BBX: variants seen among roughly 807,000 people sequenced by gnomAD.
BBX encodes BBX high mobility group box domain containing, also known as HMG box transcription factor BBX.
Under a neutral mutation model 100.2 loss-of-function variants are expected in BBX, and 30 were observed. That is an observed-to-expected ratio of 0.30 (90% CI 0.22 to 0.41). BBX has a LOEUF of 0.41. Ranked by LOEUF, BBX falls within the 10% of genes least tolerant of loss-of-function variation. The pLI is 1.00. For synonymous variants in BBX, 376 were observed against 388.1 expected (o/e 0.97, Z 0.37); for missense variants, 1,023 against 1,129.8 (o/e 0.91, Z 1.35).
intron 9 of BBX, among the ~76,000 whole-genome samples, chr3:107,751,415 T>A (rs75494419): frequency 0.016 from 2,507 of 152,316 alleles, 68 homozygotes; most frequent in African/African-American, 0.057. Flanking sequence ...TGGGAAAAAG[T>A]TAACTAGATT....
intron 10 of BBX, among the ~76,000 whole-genome samples, chr3:107,765,563 C>T (rs1341923598): frequency 6.6e-6 from 1 of 152,162 alleles, no homozygotes; most frequent in East Asian, 1.9e-4. Flanking sequence ...CCTCTTGCCT[C>T]AGCCTCCCAA....
At chr3:107,576,486 CA>C (rs2051784151) in intron 2 of BBX, among the ~76,000 whole-genome samples, 1 of 152,112 alleles carries the variant, frequency 6.6e-6, no homozygotes, top group South Asian at 2.1e-4. Context: ...GGCAGTTTCT[CA>C]TTTTCAGTTT....
chr3:107,799,565 A>G lies in BBX; in HGVS notation c.2551+845A>G, dbSNP rs1198566371. ...GATCCTATACTTTTAAAGATACTAG[A>G]TGAATCAGTATTTGACCATGGTCTG... On this transcript the variant is annotated intron_variant, in intron 16 of 17. Coordinates refer to ENST00000325805, the MANE Select transcript of BBX (RefSeq NM_001142568.3). Among the ~76,000 whole-genome samples, 3 of 152,264 alleles carry G rather than the reference A, an allele frequency of 2.0e-5. No individual in the cohort carries two copies. In the East Asian group the frequency reaches 5.8e-4, roughly 29 times the overall value.
chr3:107,740,828 C>T (rs1159455690), intron 7 of BBX, among the ~76,000 whole-genome samples: 2 of 151,580 alleles, frequency 1.3e-5, no homozygotes, highest in Non-Finnish European at 1.5e-5. Context: ...GCTGCCTCTC[C>T]GTCCTCCTGT....
At chr3:107,573,994 G>C (rs2051580430) in intron 2 of BBX, among the ~76,000 whole-genome samples, 1 of 152,100 alleles carries the variant, frequency 6.6e-6, no homozygotes, top group Non-Finnish European at 1.5e-5. Context: ...CAAAGTGCTG[G>C]GATTACAGGC....
At chr3:107,616,271 G>A (rs2055272788) in intron 2 of BBX, among the ~76,000 whole-genome samples, 1 of 151,452 alleles carries the variant, frequency 6.6e-6, no homozygotes, top group South Asian at 2.1e-4. Context: ...ATGCTCAAAT[G>A]GTATAATGCA....
chr3:107,766,557 G>A (rs562732949), intron 10 of BBX, among the ~76,000 whole-genome samples: 1 of 151,914 alleles, frequency 6.6e-6, no homozygotes, highest in African/African-American at 2.4e-5. Context: ...GGTGGGGAGT[G>A]GGGGGCAAGG....
chr3:107,648,312 T>C (rs951150601), intron 3 of BBX, among the ~76,000 whole-genome samples: 2 of 152,196 alleles, frequency 1.3e-5, no homozygotes, highest in Non-Finnish European at 2.9e-5. Flanking sequence ...GAAAAGTTTC[T>C]AATATGTATA....
chr3:107,708,908 G>A (rs924803639), intron 3 of BBX, among the ~76,000 whole-genome samples: 16 of 151,944 alleles, frequency 1.1e-4, no homozygotes, highest in Non-Finnish European at 1.8e-4. Flanking sequence ...TTTTTTAATG[G>A]CTGTTTATTG....
At position 107,748,667 on chromosome 3, in the gene BBX, C is replaced by T. The variant is rs527588244; in HGVS notation, c.825+628C>T. 4.6e-5 allele frequency among the ~76,000 whole-genome samples: 7 copies of T among 152,222 alleles called. No individual in the cohort carries two copies. In the South Asian group the frequency reaches 1.5e-3, roughly 32 times the overall value. On this transcript the variant is annotated intron_variant, in intron 9 of 17. Coordinates refer to ENST00000325805, the MANE Select transcript of BBX (RefSeq NM_001142568.3). The stretch of plus-strand genomic sequence containing the variant: ...CTTGATTTTGCCACAGGAGCCCTGG[C>T]CTCAACCATATGCTCATTTCTAATG...
In BBX at chr3:107,728,855, C is replaced by A. The variant is rs143602485; in HGVS notation, c.496C>A (p.Pro166Thr). ...GAAATCCCCAACACCCACTGTCAAT[C>A]CACGAAAGAAACTTTGGGCCTTCCC... ...PVKSPTPTVNPRKKLWAFPSD... is the reference protein window; with the variant it reads ...PVKSPTPTVNTRKKLWAFPSD... Residue 166 changes from proline (P) to threonine (T), a missense_variant, in exon 6 of 18, where the codon CCA becomes ACA. Coordinates refer to ENST00000325805, the MANE Select transcript of BBX (RefSeq NM_001142568.3). The A allele has an allele frequency of 1.1e-5, 17 of 1,613,814 alleles. No individual in the cohort carries two copies. Among genetic ancestry groups the A allele is most frequent in the Non-Finnish European group, 1.2e-5 (14 of 1,179,858 alleles).
Position 107,716,604 on chromosome 3 carries a change from T to C in BBX, c.163-3T>C. On this transcript the variant is annotated splice_polypyrimidine_tract_variant and splice_region_variant and intron_variant, in intron 4 of 17. Transcript: ENST00000325805. ...GATCTGGCTTTGTTTTTGGTGGTAA[T>C]AGGTTCAACTTCTTGGGGCCGATGG... is the stretch of plus-strand genomic sequence containing the variant. The C allele has an allele frequency of 6.2e-7, 1 of 1,612,238 alleles. No homozygotes were observed. Among genetic ancestry groups the C allele is most frequent in the African/African-American group, 1.3e-5 (1 of 74,988 alleles).
At chr3:107,563,822 C>T (rs1176937212) in intron 2 of BBX, among the ~76,000 whole-genome samples, 2 of 152,190 alleles carry the variant, frequency 1.3e-5, no homozygotes, top group East Asian at 1.9e-4. Context: ...GTATTAAACA[C>T]TCAGCAAATG....
intron 2 of BBX, among the ~76,000 whole-genome samples, chr3:107,543,640 T>G (rs2049013622): frequency 6.6e-6 from 1 of 152,222 alleles, no homozygotes; most frequent in African/African-American, 2.4e-5. Flanking sequence ...TGCAAAACAA[T>G]AACACATTGT....
intron 3 of BBX, among the ~76,000 whole-genome samples, chr3:107,691,844 G>A (rs2060188692): frequency 6.6e-6 from 1 of 152,132 alleles, no homozygotes; most frequent in Non-Finnish European, 1.5e-5. Flanking sequence ...AAAGTAGGTG[G>A]GCGTTGCAGC....
chr3:107,733,602 G>T (rs548458671), intron 7 of BBX, among the ~76,000 whole-genome samples: 55 of 152,148 alleles, frequency 3.6e-4, no homozygotes, highest in African/African-American at 1.2e-3. Context: ...TCAGCCTTTT[G>T]GGTGGCTTGG....
chr3:107,797,330 TC>T (rs1367102212), intron 15 of BBX, among the ~76,000 whole-genome samples: 3 of 38,098 alleles, frequency 7.9e-5, no homozygotes, highest in African/African-American at 1.2e-4. Context: ...GTTTAGCTTT[TC>T]TTCCAAATAT....
intron 3 of BBX, among the ~76,000 whole-genome samples, chr3:107,667,179 G>T (rs1358250138): frequency 6.6e-6 from 1 of 152,132 alleles, no homozygotes; most frequent in Non-Finnish European, 1.5e-5. Context: ...GGAAAAAATG[G>T]GAGAAATTAC....
chr3:107,584,078 ATTATATATATCATAT>A (rs1559839919), intron 2 of BBX, among the ~76,000 whole-genome samples: 1 of 31,260 alleles, frequency 3.2e-5, no homozygotes, highest in African/African-American at 1.4e-4. Flanking sequence ...TATTATATAT[ATTATATATATCATAT>A]ATTATATATA....
Sources: gnomAD v4.1 joint callset for allele counts (sites outside exome capture counted in the v4.1 genomes callset) on GRCh38, gnomAD v4.1.1 for gene constraint, MANE v1.5 for transcripts, NCBI Gene and HGNC (gene_info 2026-07-23, HGNC 2026-07-21) for gene names.